Variants in FUT8 observed in about 807,000 individuals in gnomAD.
FUT8 encodes the protein fucosyltransferase 8, also known as alpha-(1,6)-fucosyltransferase.
FUT8 carries 29 observed loss-of-function variants against 71.3 expected under a neutral mutation model. The observed-to-expected ratio is 0.41, with a 90% CI of 0.30 to 0.55. The LOEUF (loss-of-function observed/expected upper bound fraction) is 0.55. Ranked by LOEUF, FUT8 falls within the 20% of genes least tolerant of loss-of-function variation. The pLI is 0.34. For synonymous variants in FUT8, 254 were observed against 239.3 expected (o/e 1.06, Z -0.57); for missense variants, 544 against 702.1 (o/e 0.77, Z 2.55).
chr14:65,692,383 CG>C (rs1594902600), intron 7 of FUT8, among the ~76,000 whole-genome samples: 1 of 109,694 alleles, frequency 9.1e-6, no homozygotes, highest in Admixed American at 8.8e-5. Flanking sequence ...CCCTCCCGGA[CG>C]GGGCGGCTGG....
At chr14:65,537,070 A>C (rs1205814701) in intron 2 of FUT8, among the ~76,000 whole-genome samples, 3 of 149,080 alleles carry the variant, frequency 2.0e-5, no homozygotes, top group Non-Finnish European at 3.0e-5. Flanking sequence ...TTAATACTTG[A>C]GATTCTTATA....
At position 65,724,264 on chromosome 14, in the gene FUT8, C is replaced by CA. The variant is rs1285519844; in HGVS notation, c.1207dup (p.Arg403LysfsTer8). ...TTCTTGCACGCAGAATGCAAGTGGA[C>CA]AAAAAAAGAGTGTATTTGGCCACAG... On this transcript the variant is annotated frameshift_variant, in exon 9 of 11. Coordinates refer to ENST00000673929, the MANE Select transcript of FUT8 (RefSeq NM_001371533.1). LOFTEE classifies it high-confidence loss of function. 1 of 1,609,892 alleles carries CA rather than the reference C, an allele frequency of 6.2e-7. No individual in the cohort carries two copies. The highest frequency in any genetic ancestry group is 8.5e-7 in the Non-Finnish European group (1 of 1,178,820).
At chr14:65,709,745 A>G (rs1894725709) in intron 7 of FUT8, among the ~76,000 whole-genome samples, 1 of 152,154 alleles carries the variant, frequency 6.6e-6, no homozygotes, top group South Asian at 2.1e-4. Flanking sequence ...AACAAAATCA[A>G]TGTGTTATCC....
chr14:65,694,306 G>A (rs1040110137), intron 7 of FUT8, among the ~76,000 whole-genome samples: 11 of 152,170 alleles, frequency 7.2e-5, no homozygotes, highest in African/African-American at 2.2e-4. Flanking sequence ...TCAGTGCTGC[G>A]AATATACATT....
At chr14:65,505,560 C>T (rs1328956390) in intron 2 of FUT8, among the ~76,000 whole-genome samples, 1 of 151,990 alleles carries the variant, frequency 6.6e-6, no homozygotes, top group East Asian at 1.9e-4. Flanking sequence ...GATCTGCCCG[C>T]CTTAGCCTCC....
At chr14:65,673,317 A>T (rs1892561268) in intron 7 of FUT8, among the ~76,000 whole-genome samples, 1 of 152,242 alleles carries the variant, frequency 6.6e-6, no homozygotes, top group Non-Finnish European at 1.5e-5. Flanking sequence ...AATTCAATTA[A>T]AGTATTTGCT....
intron 2 of FUT8, among the ~76,000 whole-genome samples, chr14:65,513,851 C>T (rs10129732): frequency 0.061 from 9,297 of 152,216 alleles, 495 homozygotes; most frequent in South Asian, 0.19. Context: ...GTTTGTTTTA[C>T]ATGCATATCC....
At chr14:65,421,268 C>T (rs1363270464) in intron 1 of FUT8, among the ~76,000 whole-genome samples, 1 of 151,088 alleles carries the variant, frequency 6.6e-6, no homozygotes, top group South Asian at 2.1e-4. Flanking sequence ...AGTGGATCAT[C>T]ACAAAGGCCT....
chr14:65,585,754 G>A (rs59117465), intron 3 of FUT8, among the ~76,000 whole-genome samples: 15,038 of 152,220 alleles, frequency 0.099, 995 homozygotes, highest in East Asian at 0.38. Context: ...AGTTTCCTTC[G>A]GAAATATTGG....
intron 7 of FUT8, among the ~76,000 whole-genome samples, chr14:65,710,082 T>G (rs1894740197): frequency 6.6e-6 from 1 of 152,218 alleles, no homozygotes; most frequent in South Asian, 2.1e-4. Context: ...ACCTCACTAA[T>G]AATCTCCCTT....
chr14:65,389,170 T>C, the FUT8 span, among the ~76,000 whole-genome samples: 2 of 146,408 alleles, frequency 1.4e-5, no homozygotes, highest in African/African-American at 5.0e-5. Context: ...ACTATATATA[T>C]ACATATATAT....
At position 65,483,115 on chromosome 14, in the gene FUT8, C is replaced by T. The variant is rs563758530; in HGVS notation, c.-228+27397C>T. Among the ~76,000 whole-genome samples, 172 of 152,338 alleles carry T rather than the reference C, an allele frequency of 1.1e-3. No individual in the cohort carries two copies. The highest frequency in any genetic ancestry group is 3.8e-3 in the African/African-American group (157 of 41,582). ...CTTCTGTGTGAAGAGATTTTACTAG[C>T]ACCCTAAAGAATGGATTTCTGGCAA... On this transcript the variant is annotated intron_variant, in intron 2 of 10. Coordinates refer to ENST00000673929, the MANE Select transcript of FUT8 (RefSeq NM_001371533.1). The surrounding 1 kb of genome is among the most constrained non-coding windows in gnomAD (Gnocchi z 4.4).
At chr14:65,488,868 A>G (rs1360146330) in intron 2 of FUT8, among the ~76,000 whole-genome samples, 1 of 152,166 alleles carries the variant, frequency 6.6e-6, no homozygotes, top group Non-Finnish European at 1.5e-5. Flanking sequence ...AAAAGAGGTG[A>G]GTTTCCTATT....
At chr14:65,717,573 C>T (rs1484546628) in intron 7 of FUT8, among the ~76,000 whole-genome samples, 13 of 127,010 alleles carry the variant, frequency 1.0e-4, no homozygotes, top group Non-Finnish European at 2.1e-4. Context: ...GGCGGCCGGG[C>T]AGAGACGCTC....
chr14:65,577,884 T>A lies in FUT8; in HGVS notation c.203+16118T>A, dbSNP rs550366067. Among the ~76,000 whole-genome samples the A allele has an allele frequency of 1.1e-3, 175 of 152,248 alleles. 1 individual carries two copies. The highest frequency in any genetic ancestry group is 3.8e-3 in the African/African-American group (159 of 41,548). ...ATTCTTCTCTCATAACTGGACAATA[T>A]GATTTTTAAAACTGATGCTTCTAAA... On this transcript the variant is annotated intron_variant, in intron 3 of 10. Transcript: ENST00000673929.
At chr14:65,693,154 G>A (rs900943938) in intron 7 of FUT8, among the ~76,000 whole-genome samples, 7 of 152,368 alleles carry the variant, frequency 4.6e-5, no homozygotes, top group South Asian at 2.1e-4. Flanking sequence ...GCCAAGGCAG[G>A]CGGCTGGGAG....
rs968174105 is a variant in FUT8, at chr14:65,467,789, T to A, written c.-228+12071T>A. Reference sequence around the variant, plus strand: ...GTGCCCAGCCAGTCTAGAGGTCTTTTATTTTTTTTAACACCTGTTATGCTA... The same window carrying A: ...GTGCCCAGCCAGTCTAGAGGTCTTTAATTTTTTTTAACACCTGTTATGCTA... On this transcript the variant is annotated intron_variant, in intron 2 of 10. Coordinates refer to ENST00000673929, the MANE Select transcript of FUT8 (RefSeq NM_001371533.1). This position sits in a 1 kb window ranked among gnomAD's most constrained non-coding sequence, Gnocchi z 4.1. The A allele has an allele frequency of 1.4e-6, 1 of 709,314 alleles. No homozygotes were observed. Among genetic ancestry groups the A allele is most frequent in the Middle Eastern group, 3.3e-4 (1 of 3,054 alleles). The allele number at this position is 709,314 out of a possible 1,614,324, so 43.9% of individuals were successfully genotyped here.
intron 7 of FUT8, among the ~76,000 whole-genome samples, chr14:65,705,606 A>G (rs932506978): frequency 6.6e-6 from 1 of 152,238 alleles, no homozygotes; most frequent in South Asian, 2.1e-4. Flanking sequence ...GAAAATGTGT[A>G]TCCTAGAAGT....
rs1228359608 is a variant in FUT8, at chr14:65,627,779, CTGA to C, written c.483-1709_483-1707del. 6.6e-5 allele frequency among the ~76,000 whole-genome samples: 10 copies of C among 152,220 alleles called. No individual in the cohort carries two copies. The highest frequency in any genetic ancestry group is 6.5e-4 in the Admixed American group (10 of 15,280). ...CTCTTGAAAACTTATCAGGAAGCTGCTGATGACCAGCTTCAGTTGTTTTCTATC... is the reference window on the plus strand; with the variant it reads ...CTCTTGAAAACTTATCAGGAAGCTGCTGACCAGCTTCAGTTGTTTTCTATC... On this transcript the variant is annotated intron_variant, in intron 5 of 10. Transcript: ENST00000673929. This position sits in a 1 kb window ranked among gnomAD's most constrained non-coding sequence, Gnocchi z 4.0.
Sources: allele counts gnomAD v4.1 joint callset (sites outside exome capture counted in the v4.1 genomes callset), GRCh38; gene constraint gnomAD v4.1.1; non-coding constraint Gnocchi (gnomAD v3.1); transcripts MANE v1.5; gene names NCBI Gene and HGNC (gene_info 2026-07-23, HGNC 2026-07-21).